The following ADGRF1 variants were observed in gnomAD, a reference collection of about 807,000 sequenced individuals.
ADGRF1 encodes the protein adhesion G protein-coupled receptor F1, also known as G protein-coupled receptor 110.
In ADGRF1, 85 loss-of-function variants were observed where a neutral mutation model predicts 87.2. The observed-to-expected ratio is 0.97, with a 90% CI of 0.82 to 1.17. The LOEUF is 1.17. Among genes scored for constraint, ADGRF1 ranks in the 50% most tolerant of loss-of-function variants. The pLI is 0.00. For missense variants in ADGRF1, 1,169 were observed against 1,077.2 expected, an observed-to-expected ratio of 1.09 and a Z score of -1.19; for synonymous variants, 430 against 408.8, an observed-to-expected ratio of 1.05 and a Z score of -0.63.
chr6:47,035,866 G>C (rs1457965223), intron 1 of ADGRF1, among the ~76,000 whole-genome samples: 1 of 152,268 alleles, frequency 6.6e-6, no homozygotes, highest in Middle Eastern at 3.4e-3. Flanking sequence ...ACACATGAAC[G>C]TAAAGATGGA....
At chr6:47,008,048 T>C (rs1282911907) in intron 11 of ADGRF1, among the ~76,000 whole-genome samples, 3 of 152,218 alleles carry the variant, frequency 2.0e-5, no homozygotes, top group South Asian at 4.1e-4. Context: ...CACATTTATT[T>C]GATGATGTAA....
Position 47,009,258 on chromosome 6 carries a change from G to C in ADGRF1, c.2177C>G (p.Thr726Ser), listed in dbSNP as rs890528630. ...ITIAVTQPSN[T>S]YKRKDVCWLN... ...CCAACACACATCTTTCCTTTTGTAG[G>C]TATTGCTAGGTTGCGTGACAGCAAT... The change falls in exon 11 of 15, where the codon ACC becomes AGC. Residue 726 changes from threonine (T) to serine (S), a missense_variant. Thr to Ser is a moderately conservative substitution (Grantham distance 58, BLOSUM62 1). Transcript: ENST00000371253. 4 of 1,614,160 alleles carry C rather than the reference G, an allele frequency of 2.5e-6. No individual in the cohort carries two copies. The highest frequency in any genetic ancestry group is 3.4e-6 in the Non-Finnish European group (4 of 1,180,022).
At position 47,040,469 on chromosome 6, in the gene ADGRF1, C is replaced by T. The variant is rs572536438; in HGVS notation, c.-44+1722G>A. 9.5e-5 allele frequency among the ~76,000 whole-genome samples: 14 copies of T among 147,212 alleles called. No homozygotes were observed. In the South Asian group the frequency reaches 2.8e-3, roughly 29 times the overall value. On this transcript the variant is annotated intron_variant, in intron 1 of 14. Coordinates refer to ENST00000371253, the MANE Select transcript of ADGRF1 (RefSeq NM_153840.4). ...CCTGGGCGACAGAGTGAGACTCCGT[C>T]TCAAAAAATAAAATAAAATAAAAAA...
intron 1 of ADGRF1, among the ~76,000 whole-genome samples, chr6:47,038,472 T>C (rs994014969): frequency 3.9e-5 from 6 of 152,342 alleles, no homozygotes; most frequent in Non-Finnish European, 8.8e-5. Context: ...AATTGACAAA[T>C]AATAATTGTA....
chr6:47,035,859 C>T (rs1780573574), intron 1 of ADGRF1, among the ~76,000 whole-genome samples: 2 of 152,154 alleles, frequency 1.3e-5, no homozygotes, highest in Non-Finnish European at 2.9e-5. Flanking sequence ...ACTGGGTACA[C>T]ATGAACGTAA....
intron 1 of ADGRF1, among the ~76,000 whole-genome samples, chr6:47,031,365 C>G (rs1780425973): frequency 6.7e-6 from 1 of 149,276 alleles, no homozygotes; most frequent in Non-Finnish European, 1.5e-5. Context: ...CTCTCTCTCT[C>G]TCTCTCTCTC....
chr6:47,024,126 G>T lies in ADGRF1; in HGVS notation c.369C>A (p.Tyr123Ter), dbSNP rs759046130. Residue 123 changes from tyrosine (Y) to a stop codon, truncating the protein, a stop_gained, in exon 5 of 15, where the codon TAC becomes TAA. Transcript: ENST00000371253. LOFTEE classifies it high-confidence loss of function. ...PPSCLDPQNCYLHTAGALPSC... is the reference protein window; with the variant it reads ...PPSCLDPQNC The stretch of plus-strand genomic sequence containing the variant: ...TTGGGAGTGCTCCAGCCGTGTGAAG[G>T]TAGCAGTTCTGGGGATCAAGGCATG... 1.2e-6 allele frequency: 2 copies of T among 1,613,970 alleles called. No homozygotes were observed. The highest frequency in any genetic ancestry group is 1.7e-5 in the Admixed American group (1 of 59,998).
chr6:47,016,783 G>C lies in ADGRF1; in HGVS notation c.612-15C>G. ...TGCTTCCATTTCTGCAGTGATTATG[G>C]GGAAAGAGAAATGAGATTCACTACT... is the stretch of plus-strand genomic sequence containing the variant. On this transcript the variant is annotated splice_polypyrimidine_tract_variant and intron_variant, in intron 7 of 14. Coordinates refer to ENST00000371253, the MANE Select transcript of ADGRF1 (RefSeq NM_153840.4). The C allele has an allele frequency of 5.1e-6, 8 of 1,561,276 alleles. No individual in the cohort carries two copies. Among genetic ancestry groups the C allele is most frequent in the Non-Finnish European group, 7.0e-6 (8 of 1,144,550 alleles).
chr6:47,024,843 G>A (rs78963901), intron 4 of ADGRF1, among the ~76,000 whole-genome samples: 2,154 of 152,276 alleles, frequency 0.014, 54 homozygotes, highest in African/African-American at 0.049. Flanking sequence ...AAGCTACAAT[G>A]GCTGGGATTA....
At chr6:47,028,113 T>G (rs1409144143) in intron 2 of ADGRF1, among the ~76,000 whole-genome samples, 1 of 152,104 alleles carries the variant, frequency 6.6e-6, no homozygotes, top group Non-Finnish European at 1.5e-5. Context: ...GAGAAACTGC[T>G]GGGTAGCTTT....
chr6:47,012,016 T>A lies in ADGRF1; in HGVS notation c.1107A>T (p.Ser369=), dbSNP rs766592830. The change falls in exon 10 of 15, where the codon TCA becomes TCT. Residue 369 remains serine, a synonymous_variant. Transcript: ENST00000371253. ...SLASHFRVSN[S]TMEDVISIAD... is the part of the protein sequence containing the mutation. Reference sequence around the variant, plus strand: ...CACAGGCAGACCATACCTCCATTGTTGAATTGGACACCCTGAAATGGCTGG... The same window carrying A: ...CACAGGCAGACCATACCTCCATTGTAGAATTGGACACCCTGAAATGGCTGG... 1.2e-6 allele frequency: 2 copies of A among 1,613,302 alleles called. No homozygotes were observed. Among genetic ancestry groups the A allele is most frequent in the South Asian group, 2.2e-5 (2 of 91,010 alleles).
Position 47,030,253 on chromosome 6 carries a change from G to T in ADGRF1, c.-43-1149C>A, listed in dbSNP as rs571188151. ...AGAGACCTTTTCTAGGGCTTTCTAG[G>T]GGAGCATGAAAAATAGGCAACGTGA... On this transcript the variant is annotated intron_variant, in intron 1 of 14. Coordinates refer to ENST00000371253, the MANE Select transcript of ADGRF1 (RefSeq NM_153840.4). Among the ~76,000 whole-genome samples, 3 of 152,282 alleles carry T rather than the reference G, an allele frequency of 2.0e-5. No homozygotes were observed. The South Asian group carries it at 6.2e-4, about 32-fold the overall frequency.
chr6:47,008,323 C>T (rs1779588704), intron 11 of ADGRF1, among the ~76,000 whole-genome samples: 1 of 152,202 alleles, frequency 6.6e-6, no homozygotes. Context: ...CACTTTCTGA[C>T]TGTGCCAAGT....
chr6:47,001,494 A>G lies in ADGRF1; in HGVS notation c.2659+7T>C, dbSNP rs1035599598. Reference sequence around the variant, plus strand: ...CTTTTATAACCTTTGGTTTTATTGTAACTCACCTTTGTTTTGCAGTGGGTT... The same window carrying G: ...CTTTTATAACCTTTGGTTTTATTGTGACTCACCTTTGTTTTGCAGTGGGTT... On this transcript the variant is annotated splice_region_variant and intron_variant, in intron 14 of 14. Coordinates refer to ENST00000371253, the MANE Select transcript of ADGRF1 (RefSeq NM_153840.4). The G allele has an allele frequency of 1.9e-6, 3 of 1,612,562 alleles. No homozygotes were observed. Among genetic ancestry groups the G allele is most frequent in the Non-Finnish European group, 2.5e-6 (3 of 1,179,036 alleles).
At chr6:47,033,038 C>T (rs952126076) in intron 1 of ADGRF1, among the ~76,000 whole-genome samples, 2 of 152,172 alleles carry the variant, frequency 1.3e-5, no homozygotes, top group African/African-American at 4.8e-5. Context: ...CCCTTCCAAG[C>T]CGGAATGGTC....
At chr6:47,031,284 C>A (rs1433668407) in intron 1 of ADGRF1, among the ~76,000 whole-genome samples, 3 of 151,598 alleles carry the variant, frequency 2.0e-5, no homozygotes, top group Non-Finnish European at 4.4e-5. Flanking sequence ...CTCTCTCTCT[C>A]TCTCTCTCTG....
chr6:47,010,053 C>G lies in ADGRF1; in HGVS notation c.1382G>C (p.Arg461Thr), dbSNP rs1272961814. 1 of 1,614,006 alleles carries G rather than the reference C, an allele frequency of 6.2e-7. No individual in the cohort carries two copies. ...GTCTGACCCAATTAACACACGGCCT[C>G]TGATGGGAATAGATGTATTTTGGGG... ...MCPQNTSIPI[R>T]GRVLIGSDQF... The change falls in exon 11 of 15, where the codon AGA becomes ACA. Residue 461 changes from arginine to threonine, a missense_variant. Transcript: ENST00000371253.
At chr6:47,036,100 A>G (rs1004459514) in intron 1 of ADGRF1, among the ~76,000 whole-genome samples, 2 of 152,136 alleles carry the variant, frequency 1.3e-5, no homozygotes, top group African/African-American at 4.8e-5. Flanking sequence ...GCATGGTGGT[A>G]CGCACCTGTG....
intron 3 of ADGRF1, among the ~76,000 whole-genome samples, chr6:47,026,918 GCTC>G (rs1780253987): frequency 6.6e-6 from 1 of 152,172 alleles, no homozygotes; most frequent in African/African-American, 2.4e-5. Context: ...GGATGGCCCT[GCTC>G]ACATCGTCAG....
Sources: gnomAD v4.1 joint callset for allele counts (sites outside exome capture counted in the v4.1 genomes callset) on GRCh38, gnomAD v4.1.1 for gene constraint, MANE v1.5 for transcripts, NCBI Gene and HGNC (gene_info 2026-07-23, HGNC 2026-07-21) for gene names.